The following ABCA10 variants were observed in gnomAD, a reference collection of about 807,000 sequenced individuals.
The protein encoded by ABCA10 is ATP binding cassette subfamily A member 10.
ABCA10 carries 169 observed loss-of-function variants against 187.5 expected under a neutral mutation model. That is an observed-to-expected ratio of 0.90 (90% confidence interval 0.80 to 1.02). The LOEUF is 1.02. ABCA10 is among the 50% of genes least tolerant of loss of function. ABCA10 has a pLI of 0.00. For missense variants in ABCA10, 1,727 were observed against 1,812.4 expected (o/e 0.95, Z 0.86); for synonymous variants, 574 against 601.8 (o/e 0.95, Z 0.68).
chr17:69,182,085 G>A, intron 22 of ABCA10, 68 bp downstream of exon 22: 1 of 1,357,992 alleles, frequency 7.4e-7, no homozygotes, highest in Non-Finnish European at 9.6e-7. Context: ...CACATGGTAG[G>A]CTCTAGAGCC....
chr17:69,233,609 T>C (rs528773334), upstream of ABCA10: 3 of 152,314 alleles, frequency 2.0e-5, no homozygotes, highest in Admixed American at 2.0e-4. Flanking sequence ...TTCCTAAATG[T>C]TCTTGATGCT....
At chr17:69,182,370 T>C (rs1476579782) in intron 21 of ABCA10, 80 bp from the exon 22 acceptor site, 7 of 1,169,914 alleles carry the variant, frequency 6.0e-6, no homozygotes, top group Non-Finnish European at 7.8e-6. Context: ...ATTACCAGAG[T>C]GGAATTAGAA....
upstream of ABCA10, among the ~76,000 whole-genome samples, chr17:69,229,299 A>C (rs572493650): frequency 1.1e-4 from 16 of 152,066 alleles, no homozygotes; most frequent in Non-Finnish European, 2.2e-4. Flanking sequence ...TGAAGCCAAC[A>C]GATGAGTCCA....
At chr17:69,184,299 T>C (rs764319472) in intron 20 of ABCA10, among the ~76,000 whole-genome samples, 1 of 152,074 alleles carries the variant, frequency 6.6e-6, no homozygotes, top group South Asian at 2.1e-4. Flanking sequence ...TCTATGGCCC[T>C]GACCCACCAC....
intron 36 of ABCA10, 96 bp from the exon 37 acceptor site, chr17:69,150,159 C>T (rs1265083849): frequency 3.6e-6 from 3 of 833,104 alleles, no homozygotes; most frequent in Non-Finnish European, 5.7e-6. Flanking sequence ...TCAATGTGTT[C>T]TTTAAATAAG....
chr17:69,214,510 G>A (rs1237511133), intron 9 of ABCA10, among the ~76,000 whole-genome samples, 194 bp downstream of exon 9: 3 of 89,366 alleles, frequency 3.4e-5, no homozygotes, highest in Non-Finnish European at 5.0e-5. Flanking sequence ...GCGAGACTCC[G>A]TCTCAAAAAA....
chr17:69,157,808 A>C (rs2074185639), intron 27 of ABCA10, among the ~76,000 whole-genome samples: 1 of 152,088 alleles, frequency 6.6e-6, no homozygotes, highest in Non-Finnish European at 1.5e-5. Context: ...ACAAGTCCAC[A>C]GGAAAAAAAA....
At chr17:69,192,753 A>T in intron 15 of ABCA10, 100 bp from the exon 16 acceptor site, 1 of 1,015,386 alleles carries the variant, frequency 9.8e-7, no homozygotes. Flanking sequence ...AATTTGTAAT[A>T]TCAATACAAC....
chr17:69,176,261 G>A (rs1398414568), intron 22 of ABCA10, among the ~76,000 whole-genome samples: 3 of 152,116 alleles, frequency 2.0e-5, no homozygotes, highest in Non-Finnish European at 4.4e-5. Context: ...TAGGCATTAT[G>A]CCTAACTACG....
rs1337229404 is a variant in ABCA10, at chr17:69,156,827, C to T, written c.3455+5G>A. 2 of 1,516,220 alleles carry T rather than the reference C, an allele frequency of 1.3e-6. No homozygotes were observed. The highest frequency in any genetic ancestry group is 2.4e-5 in the East Asian group (1 of 41,600). The allele number at this position is 1,516,220 out of a possible 1,614,324, so 93.9% of individuals were successfully genotyped here. On this transcript the variant is annotated splice_donor_5th_base_variant and intron_variant, in intron 28 of 38. Coordinates refer to ENST00000690296, the MANE Select transcript of ABCA10 (RefSeq NM_001377321.1). ...TATTCAGATCTCAATTAATATTTTC[C>T]CAACCTGAAAACTGGGTCTTTATTC...
At chr17:69,244,498 T>C (rs1039775374) in intron 1 of ABCA10, 3 of 151,780 alleles carry the variant, frequency 2.0e-5, no homozygotes, top group Non-Finnish European at 2.9e-5. Flanking sequence ...TGCTTACATA[T>C]ATTATAAATA....
At chr17:69,213,821 TACAA>T (rs1161896084) in intron 9 of ABCA10, among the ~76,000 whole-genome samples, 1 of 152,234 alleles carries the variant, frequency 6.6e-6, no homozygotes, top group Non-Finnish European at 1.5e-5. Flanking sequence ...TCAAAGTTAT[TACAA>T]AATTCAGCTA....
upstream of ABCA10, among the ~76,000 whole-genome samples, chr17:69,230,377 G>T (rs1568077420): frequency 1.3e-5 from 2 of 152,122 alleles, no homozygotes; most frequent in Non-Finnish European, 2.9e-5. Context: ...ACAGTTGGGA[G>T]TCTGAGACCT....
chr17:69,212,807 T>C (rs1443865393), intron 9 of ABCA10, among the ~76,000 whole-genome samples: 4 of 152,230 alleles, frequency 2.6e-5, no homozygotes, highest in Non-Finnish European at 5.9e-5. Context: ...GGAATATCTA[T>C]TCCCACCCCT....
chr17:69,230,331 G>T (rs2074823562), upstream of ABCA10, among the ~76,000 whole-genome samples: 1 of 151,996 alleles, frequency 6.6e-6, no homozygotes. Context: ...AACAAGCTAA[G>T]ACAATAATTT....
intron 10 of ABCA10, among the ~76,000 whole-genome samples, chr17:69,197,844 A>G (rs1242573609): frequency 1.3e-5 from 2 of 152,198 alleles, no homozygotes; most frequent in Non-Finnish European, 2.9e-5. Context: ...AACCTTTGCC[A>G]TACAATCTTA....
At chr17:69,186,331 C>T (rs2074420515) in intron 19 of ABCA10, among the ~76,000 whole-genome samples, 2 of 152,070 alleles carry the variant, frequency 1.3e-5, no homozygotes, top group African/African-American at 4.8e-5. Context: ...CTTATCGCCG[C>T]CAAAAGAAAA....
At chr17:69,241,645 C>T (rs1190518288) in intron 1 of ABCA10, among the ~76,000 whole-genome samples, 1 of 152,210 alleles carries the variant, frequency 6.6e-6, no homozygotes, top group African/African-American at 2.4e-5. Context: ...AACTCACCTT[C>T]TCAGTGTAGT....
At chr17:69,162,838 C>CATATACATATAT (rs375141032) in intron 27 of ABCA10, among the ~76,000 whole-genome samples, 241 of 120,814 alleles carry the variant, frequency 2.0e-3, no homozygotes, top group African/African-American at 7.8e-3. Flanking sequence ...TATACATATA[C>CATATACATATAT]ATATATATAT....
Sources: allele counts gnomAD v4.1 joint callset (sites outside exome capture counted in the v4.1 genomes callset), GRCh38; gene constraint gnomAD v4.1.1; transcripts MANE v1.5; gene names NCBI Gene and HGNC (gene_info 2026-07-23, HGNC 2026-07-21).